Variants in FRMD4A observed in about 807,000 individuals in gnomAD.
The protein encoded by FRMD4A is FERM domain containing 4A.
Under a neutral mutation model 129.1 loss-of-function variants are expected in FRMD4A, and 29 were observed. That is an observed-to-expected ratio of 0.22 (90% CI 0.17 to 0.31). FRMD4A has a LOEUF of 0.31. Among genes scored for constraint, FRMD4A ranks in the 10% least tolerant of loss-of-function variants. The pLI, the probability that FRMD4A is intolerant of heterozygous loss-of-function variation, is 1.00. For missense variants in FRMD4A, 1,272 were observed against 1,375.8 expected (o/e 0.92, Z 1.19); for synonymous variants, 634 against 571.6 (o/e 1.11, Z -1.56).
intron 2 of FRMD4A, among the ~76,000 whole-genome samples, chr10:14,169,944 C>A (rs1841389201): frequency 6.6e-6 from 1 of 152,148 alleles, no homozygotes; most frequent in African/African-American, 2.4e-5. Context: ...TCACAGAGTT[C>A]TTTACATGAG....
At position 13,868,433 on chromosome 10, in the gene FRMD4A, G is replaced by A. The variant is rs115421679; in HGVS notation, c.46-9521C>T. ...AGCCTCATTCAGAGAGGATGACCTT[G>A]TTCCTATTTTGCTCTATGACCTCTG... On this transcript the variant is annotated intron_variant, in intron 2 of 24. Transcript: ENST00000357447. 1.7e-3 allele frequency among the ~76,000 whole-genome samples: 265 copies of A among 152,192 alleles called. 1 individual carries two copies. Among genetic ancestry groups the A allele is most frequent in the African/African-American group, 6.1e-3 (253 of 41,520 alleles).
At chr10:14,200,687 C>T (rs1277648444) in intron 2 of FRMD4A, among the ~76,000 whole-genome samples, 1 of 152,224 alleles carries the variant, frequency 6.6e-6, no homozygotes, top group Non-Finnish European at 1.5e-5. Context: ...CCTCAGCCTT[C>T]TCTCTGGAAC....
At chr10:14,208,760 G>A (rs1428125915) in intron 2 of FRMD4A, among the ~76,000 whole-genome samples, 1 of 152,160 alleles carries the variant, frequency 6.6e-6, no homozygotes, top group African/African-American at 2.4e-5. Flanking sequence ...GCACAGTTTG[G>A]GACTCTGGCC....
chr10:13,881,248 T>A (rs1270352434), intron 2 of FRMD4A, among the ~76,000 whole-genome samples: 2 of 64,656 alleles, frequency 3.1e-5, no homozygotes, highest in African/African-American at 5.4e-5. Context: ...GAGACCCCCA[T>A]CTCTAAAAAA....
intron 6 of FRMD4A, among the ~76,000 whole-genome samples, chr10:13,764,184 C>CGTGTGTGTGTGTGTGTGT (rs369852562): frequency 1.4e-5 from 2 of 141,596 alleles, no homozygotes; most frequent in East Asian, 2.1e-4. Flanking sequence ...CAAAGATTTC[C>CGTGTGTGTGTGTGTGTGT]GTGTGTGTGT....
At chr10:14,216,176 G>A (rs753622995) in intron 2 of FRMD4A, among the ~76,000 whole-genome samples, 2 of 152,132 alleles carry the variant, frequency 1.3e-5, no homozygotes, top group African/African-American at 2.4e-5. Flanking sequence ...CTGAGATTTA[G>A]TGAATAAATG....
At chr10:13,685,792 G>C (rs980599636) in intron 15 of FRMD4A, 1 of 181,956 alleles carries the variant, frequency 5.5e-6, no homozygotes, top group Non-Finnish European at 1.0e-5. Flanking sequence ...GACAGAGCGA[G>C]ACCCTGTCTC....
At chr10:14,148,714 A>G (rs1589078317) in intron 2 of FRMD4A, among the ~76,000 whole-genome samples, 1 of 151,684 alleles carries the variant, frequency 6.6e-6, no homozygotes, top group African/African-American at 2.4e-5. Flanking sequence ...GTAAGCCGAG[A>G]TTGCGCCACT....
intron 2 of FRMD4A, among the ~76,000 whole-genome samples, chr10:14,009,969 G>C (rs1224756138): frequency 3.3e-5 from 5 of 152,194 alleles, no homozygotes; most frequent in African/African-American, 4.8e-5. Flanking sequence ...AACGATACCC[G>C]ATGATTGAGC....
chr10:13,802,488 G>A (rs1330681718), intron 4 of FRMD4A, among the ~76,000 whole-genome samples: 1 of 151,856 alleles, frequency 6.6e-6, no homozygotes, highest in Non-Finnish European at 1.5e-5. Flanking sequence ...GTCTCACTCT[G>A]TTGCCCAGGC....
intron 2 of FRMD4A, among the ~76,000 whole-genome samples, chr10:14,299,257 G>C (rs1004617088): frequency 6.6e-6 from 1 of 152,198 alleles, no homozygotes; most frequent in Non-Finnish European, 1.5e-5. Context: ...TTTGTTCCAG[G>C]TGCATTTTAG....
intron 3 of FRMD4A, among the ~76,000 whole-genome samples, chr10:13,857,709 C>T (rs1224825107): frequency 6.6e-6 from 1 of 152,196 alleles, no homozygotes; most frequent in African/African-American, 2.4e-5. Context: ...CACTGATGAA[C>T]TGCAGCTTCC....
intron 5 of FRMD4A, among the ~76,000 whole-genome samples, chr10:13,796,127 T>C (rs1444231237): frequency 6.6e-6 from 1 of 152,158 alleles, no homozygotes; most frequent in Non-Finnish European, 1.5e-5. Flanking sequence ...AAGGAAAGAA[T>C]ACAAAGGCTT....
rs397772526 is a variant in FRMD4A, at chr10:13,904,992, C to CAAAAA, written c.46-46085_46-46081dup. On this transcript the variant is annotated intron_variant, in intron 2 of 24. Transcript: ENST00000357447. Reference sequence around the variant, plus strand: ...TGGGCGACAGAGTGAGACTCTATCTCAAAAAAAAAAAAAAAAAAGAAAAGA... The same window carrying CAAAAA: ...TGGGCGACAGAGTGAGACTCTATCTCAAAAAAAAAAAAAAAAAAAAAAAGAAAAGA... 2.4e-3 allele frequency among the ~76,000 whole-genome samples: 268 copies of CAAAAA among 109,408 alleles called. 4 individuals carry two copies. Among genetic ancestry groups the CAAAAA allele is most frequent in the African/African-American group, 9.3e-3 (257 of 27,776 alleles). 71.8% of individuals were successfully genotyped at this position (109,408 alleles called of 152,430 possible). A position where few individuals can be genotyped will look rare whatever the true frequency, so the allele number is the denominator to read the frequency against.
intron 2 of FRMD4A, among the ~76,000 whole-genome samples, chr10:14,310,420 T>G (rs1846506277): frequency 6.6e-6 from 1 of 152,068 alleles, no homozygotes; most frequent in South Asian, 2.1e-4. Flanking sequence ...AGCCCCAGAG[T>G]AATTTCTTTT....
At chr10:13,818,514 C>T (rs1253825216) in intron 3 of FRMD4A, among the ~76,000 whole-genome samples, 3 of 152,156 alleles carry the variant, frequency 2.0e-5, no homozygotes, top group African/African-American at 7.2e-5. Flanking sequence ...TCCTTTCCTA[C>T]AAACGATCCT....
At chr10:14,078,202 A>G (rs779744948) in intron 2 of FRMD4A, among the ~76,000 whole-genome samples, 1 of 152,232 alleles carries the variant, frequency 6.6e-6, no homozygotes, top group Non-Finnish European at 1.5e-5. Context: ...TAGCTGGAAC[A>G]TGAATGAACC....
chr10:14,300,256 A>T (rs1846141457), intron 2 of FRMD4A, among the ~76,000 whole-genome samples: 2 of 152,102 alleles, frequency 1.3e-5, no homozygotes, highest in South Asian at 4.2e-4. Context: ...TTTATTCTGT[A>T]ACAGTCAACT....
chr10:14,270,717 T>C (rs61836113), intron 2 of FRMD4A, among the ~76,000 whole-genome samples: 13,991 of 152,190 alleles, frequency 0.092, 821 homozygotes, highest in Middle Eastern at 0.14. Context: ...CGACTTTAAG[T>C]GAAACAACAT....
Sources: allele counts gnomAD v4.1 joint callset (sites outside exome capture counted in the v4.1 genomes callset), GRCh38; gene constraint gnomAD v4.1.1; transcripts MANE v1.5; gene names NCBI Gene and HGNC (gene_info 2026-07-23, HGNC 2026-07-21).